The following EHBP1 variants were observed in gnomAD, a reference collection of about 807,000 sequenced individuals.
The protein encoded by EHBP1 is EH domain-binding protein 1.
A neutral mutation model predicts 144.0 loss-of-function variants in EHBP1; 55 were observed. That is an observed-to-expected ratio of 0.38 (90% CI 0.31 to 0.48). EHBP1 has a LOEUF of 0.48. EHBP1 is among the 20% of genes least tolerant of loss of function. The pLI is 0.98. For synonymous variants in EHBP1, 469 were observed against 472.7 expected, an observed-to-expected ratio of 0.99 and a Z score of 0.10; for missense variants, 1,200 against 1,364.2, an observed-to-expected ratio of 0.88 and a Z score of 1.90.
rs142430243 is a variant in EHBP1 at position 62,850,611 on chromosome 2, A to G, written c.635-8558A>G. On this transcript the variant is annotated intron_variant, in intron 7 of 22. Transcript: ENST00000431489. ...ATTTGTATAGTAGTAGGGGAGAAAT[A>G]TAACATTATTAGCATTTTCCAAACG... Among the ~76,000 whole-genome samples the G allele has an allele frequency of 5.9e-3, 895 of 152,304 alleles. 9 individuals carry two copies. The highest frequency in any genetic ancestry group is 0.014 in the Middle Eastern group (4 of 294).
chr2:62,681,038 C>T (rs1402888287), intron 1 of EHBP1, among the ~76,000 whole-genome samples: 2 of 151,688 alleles, frequency 1.3e-5, no homozygotes, highest in Admixed American at 6.6e-5. Context: ...AATGGCCGGG[C>T]GTGATGGCTC....
chr2:62,910,921 A>G (rs1407584914), intron 10 of EHBP1, among the ~76,000 whole-genome samples: 1 of 152,148 alleles, frequency 6.6e-6, no homozygotes, highest in Non-Finnish European at 1.5e-5. Flanking sequence ...TGTTTTACGA[A>G]CGTTTAAATC....
rs2061895026 is a variant in EHBP1 at position 63,045,149 on chromosome 2, C to G, written c.3361C>G (p.Leu1121Val). The G allele has an allele frequency of 6.3e-7, 1 of 1,595,562 alleles. No individual in the cohort carries two copies. Residue 1121 changes from leucine (L) to valine (V), a missense_variant, in exon 22 of 23, where the codon CTC (leucine) becomes GTC (valine). Transcript: ENST00000431489. The surrounding 1 kb of genome is among the most constrained non-coding windows in gnomAD (Gnocchi z 5.7). ...GGCCCTGGTGAACAAGCGCGATGCG[C>G]TCGTCAGGGACCTGGACGCGCAGGA... ...LVALVNKRDALVRDLDAQEKQ... is the reference protein window; with the variant it reads ...LVALVNKRDAVVRDLDAQEKQ...
chr2:62,921,389 G>A lies in EHBP1; in HGVS notation c.1186-21329G>A, dbSNP rs146712476. 2.0e-3 allele frequency among the ~76,000 whole-genome samples: 309 copies of A among 151,844 alleles called. No homozygotes were observed. The Middle Eastern group carries it at 0.027, about 13-fold the overall frequency. On this transcript the variant is annotated intron_variant, in intron 10 of 22. Coordinates refer to ENST00000431489, the MANE Select transcript of EHBP1 (RefSeq NM_001142616.3). Reference sequence around the variant, plus strand: ...TAGCCTGGGAGGCAGAGGTTGCAGTGAGCCAAGATTGCACCACTGCACTCC... The same window carrying A: ...TAGCCTGGGAGGCAGAGGTTGCAGTAAGCCAAGATTGCACCACTGCACTCC...
chr2:63,001,923 C>G (rs1278126377), intron 19 of EHBP1, among the ~76,000 whole-genome samples: 14 of 152,112 alleles, frequency 9.2e-5, no homozygotes, highest in Non-Finnish European at 2.9e-5. Context: ...ATTAGTAAGT[C>G]AGAAGAAACA....
At position 62,861,882 on chromosome 2, in the gene EHBP1, T is replaced by C. The variant is rs184592977; in HGVS notation, c.757+2591T>C. On this transcript the variant is annotated intron_variant, in intron 8 of 22. Transcript: ENST00000431489. ...TAACTGATGAATTTGCTTGGATTAA[T>C]TTTTGCAATCCTCTTCCTGAAAGAA... 1.5e-3 allele frequency among the ~76,000 whole-genome samples: 227 copies of C among 152,308 alleles called. 2 individuals are homozygous for C. Among genetic ancestry groups the C allele is most frequent in the African/African-American group, 5.1e-3 (210 of 41,570 alleles).
At chr2:62,686,842 C>G (rs1388318452) in intron 1 of EHBP1, among the ~76,000 whole-genome samples, 1 of 152,196 alleles carries the variant, frequency 6.6e-6, no homozygotes, top group Admixed American at 6.5e-5. Flanking sequence ...TGTCAAAAGA[C>G]CCTGGTTTGG....
At chr2:62,834,785 A>G (rs2047083580) in intron 7 of EHBP1, among the ~76,000 whole-genome samples, 1 of 152,196 alleles carries the variant, frequency 6.6e-6, no homozygotes, top group Non-Finnish European at 1.5e-5. Context: ...CATGGAAAAT[A>G]CAGCATTCAC....
intron 6 of EHBP1, 38 bp downstream of exon 6, chr2:62,826,306 G>A (rs2152613009): frequency 6.5e-7 from 1 of 1,529,066 alleles, no homozygotes; most frequent in Non-Finnish European, 8.8e-7. Context: ...CTTACATTGT[G>A]TTTCAGTACA....
At chr2:62,901,127 G>A (rs948698520) in intron 10 of EHBP1, among the ~76,000 whole-genome samples, 1 of 152,174 alleles carries the variant, frequency 6.6e-6, no homozygotes, top group African/African-American at 2.4e-5. Context: ...TTCATCTTAA[G>A]TTGGCAGGTG....
At chr2:62,891,606 GAGTC>G (rs2052465805) in intron 10 of EHBP1, among the ~76,000 whole-genome samples, 1 of 152,078 alleles carries the variant, frequency 6.6e-6, no homozygotes, top group Admixed American at 6.5e-5. Context: ...TATATACAGA[GAGTC>G]AGACTACTGT....
intron 5 of EHBP1, among the ~76,000 whole-genome samples, chr2:62,824,239 A>C (rs1390375597): frequency 3.3e-5 from 5 of 152,000 alleles, no homozygotes; most frequent in Non-Finnish European, 5.9e-5. Flanking sequence ...TTCAGTTATA[A>C]AATTAAATAA....
At chr2:62,681,499 A>G (rs558509391) in intron 1 of EHBP1, among the ~76,000 whole-genome samples, 4 of 151,628 alleles carry the variant, frequency 2.6e-5, no homozygotes, top group South Asian at 2.1e-4. Context: ...GAGGCTTGCA[A>G]TAGCACAATT....
chr2:62,957,253 T>C lies in EHBP1; in HGVS notation c.2460+1593T>C, dbSNP rs548105630. On this transcript the variant is annotated intron_variant, in intron 14 of 22. Transcript: ENST00000431489. ...AGAATAAAGAAAAATCAAGCAGATATAGAAAAAGGTTGGAAAAATATCAAC... is the reference window on the plus strand; with the variant it reads ...AGAATAAAGAAAAATCAAGCAGATACAGAAAAAGGTTGGAAAAATATCAAC... 7.9e-5 allele frequency among the ~76,000 whole-genome samples: 12 copies of C among 152,160 alleles called. No individual in the cohort carries two copies. In the South Asian group the frequency reaches 2.3e-3, roughly 29 times the overall value.
chr2:62,892,250 G>A (rs1489247857), intron 10 of EHBP1, among the ~76,000 whole-genome samples: 1 of 152,092 alleles, frequency 6.6e-6, no homozygotes, highest in Non-Finnish European at 1.5e-5. Flanking sequence ...GTGTTTTTCT[G>A]TGTAACTCTT....
chr2:62,826,504 A>C (rs766471067), intron 6 of EHBP1: 13 of 333,996 alleles, frequency 3.9e-5, no homozygotes, highest in Middle Eastern at 1.7e-3. Flanking sequence ...TTTAAATTGT[A>C]TATTTTAGGA....
At chr2:63,031,670 T>A (rs1188653562) in intron 19 of EHBP1, among the ~76,000 whole-genome samples, 1 of 152,230 alleles carries the variant, frequency 6.6e-6, no homozygotes, top group South Asian at 2.1e-4. Flanking sequence ...GTCTCACACC[T>A]GTAATCCCAG....
intron 4 of EHBP1, among the ~76,000 whole-genome samples, chr2:62,769,499 A>T (rs1355651589): frequency 6.6e-6 from 1 of 152,182 alleles, no homozygotes; most frequent in East Asian, 1.9e-4. Context: ...CTGCTCAAAG[A>T]AATCAGAGAT....
intron 2 of EHBP1, among the ~76,000 whole-genome samples, chr2:62,742,482 A>G (rs1558588147): frequency 6.6e-6 from 1 of 152,092 alleles, no homozygotes; most frequent in Non-Finnish European, 1.5e-5. Context: ...CTCCTAAGAT[A>G]CTTACCCTGG....
Sources: allele counts gnomAD v4.1 joint callset (sites outside exome capture counted in the v4.1 genomes callset), GRCh38; gene constraint gnomAD v4.1.1; non-coding constraint Gnocchi (gnomAD v3.1); transcripts MANE v1.5; gene names NCBI Gene and HGNC (gene_info 2026-07-23, HGNC 2026-07-21).